Variants in MICAL2 observed in about 807,000 individuals in gnomAD.
The protein encoded by MICAL2 is microtubule associated monooxygenase, calponin and LIM domain containing 2.
A neutral mutation model predicts 127.3 loss-of-function variants in MICAL2; 77 were observed. That is an observed-to-expected ratio of 0.60 (90% confidence interval 0.50 to 0.73). The LOEUF is 0.73. Among genes scored for constraint, MICAL2 ranks in the 30% least tolerant of loss-of-function variants. MICAL2 has a pLI of 0.00. For missense variants in MICAL2, 1,351 were observed against 1,434.4 expected, an observed-to-expected ratio of 0.94 and a Z score of 0.94; for synonymous variants, 570 against 551.1, an observed-to-expected ratio of 1.03 and a Z score of -0.48.
In MICAL2 at chr11:12,138,370, T is replaced by C. The variant is rs1852021159; in HGVS notation, c.-148-20T>C. 1 of 152,208 alleles carries C rather than the reference T, an allele frequency of 6.6e-6. No individual in the cohort carries two copies. Among genetic ancestry groups the C allele is most frequent in the African/African-American group, 2.4e-5 (1 of 41,434 alleles). The allele number at this position is 152,208 out of a possible 1,614,324, so 9.4% of individuals were successfully genotyped here. On this transcript the variant is annotated intron_variant, in intron 1 of 27. Transcript: ENST00000683283. ...ACGATGATGTCACTGACATTAATTGTTGGGCTCTTGTTTTTAAAGGAACAT... is the reference window on the plus strand; with the variant it reads ...ACGATGATGTCACTGACATTAATTGCTGGGCTCTTGTTTTTAAAGGAACAT...
intron 29 of MICAL2, among the ~76,000 whole-genome samples, chr11:12,304,903 T>C (rs527432558): frequency 1.3e-5 from 2 of 152,326 alleles, no homozygotes; most frequent in South Asian, 4.1e-4. Context: ...CTTAGTATTC[T>C]TGGCCTTTGC....
chr11:12,294,797 G>GCTCCTCCTCCGC (rs1555018667), downstream of MICAL2: 7 of 1,500,302 alleles, frequency 4.7e-6, no homozygotes, highest in East Asian at 1.4e-4. Context: ...GCGCCAGGCA[G>GCTCCTCCTCCGC]CTCCTCCTCC....
chr11:12,303,144 A>G (rs1590729613), intron 29 of MICAL2, among the ~76,000 whole-genome samples: 1 of 152,186 alleles, frequency 6.6e-6, no homozygotes. Flanking sequence ...TACCTCCACC[A>G]GGTCCCACCC....
intron 29 of MICAL2, among the ~76,000 whole-genome samples, chr11:12,313,968 T>TTTTTTTTTC (rs1864203244): frequency 6.9e-6 from 1 of 144,160 alleles, no homozygotes; most frequent in Non-Finnish European, 1.5e-5. Context: ...CTGATTTTTT[T>TTTTTTTTTC]TTTTTTTTTT....
chr11:12,186,240 A>G (rs1858247702), intron 3 of MICAL2, among the ~76,000 whole-genome samples: 1 of 152,244 alleles, frequency 6.6e-6, no homozygotes, highest in Admixed American at 6.5e-5. Flanking sequence ...AAGGTTAGAC[A>G]TGGCTTGGGG....
At chr11:12,136,973 T>C (rs934937245) in intron 1 of MICAL2, among the ~76,000 whole-genome samples, 1 of 152,198 alleles carries the variant, frequency 6.6e-6, no homozygotes, top group Non-Finnish European at 1.5e-5. Context: ...GAAACTCTGG[T>C]TGGACCAATG....
chr11:12,306,207 A>G (rs1317274381), intron 29 of MICAL2, among the ~76,000 whole-genome samples: 2 of 152,198 alleles, frequency 1.3e-5, no homozygotes, highest in Non-Finnish European at 1.5e-5. Context: ...CTAATCCCAC[A>G]TGGCTACCAT....
Position 12,224,734 on chromosome 11 carries a change from G to A in MICAL2, c.1602G>A (p.Gln534=). The A allele has an allele frequency of 6.2e-7, 1 of 1,614,226 alleles. No homozygotes were observed. The highest frequency in any genetic ancestry group is 8.5e-7 in the Non-Finnish European group (1 of 1,180,042). The change falls in exon 13 of 28, where the codon CAG becomes CAA. Residue 534 remains glutamine, a synonymous_variant. Coordinates refer to ENST00000683283, the MANE Select transcript of MICAL2 (RefSeq NM_001282663.2). ...TWCQQQTEGY[Q]HVNVTDLTTS... ...GCCAGCAGCAGACAGAGGGCTACCA[G>A]CATGTCAACGTCACCGACCTGACCA...
chr11:12,353,142 G>T (rs185805294), intron 33 of MICAL2, among the ~76,000 whole-genome samples: 2 of 152,242 alleles, frequency 1.3e-5, no homozygotes, highest in East Asian at 3.9e-4. Flanking sequence ...TAAAAATAAC[G>T]CCAGTAACCG....
At chr11:12,203,247 A>G (rs1363977912) in intron 3 of MICAL2, among the ~76,000 whole-genome samples, 1 of 152,128 alleles carries the variant, frequency 6.6e-6, no homozygotes, top group East Asian at 1.9e-4. Flanking sequence ...TTGTGTGAAC[A>G]TGTTTTCATT....
intron 12 of MICAL2, 141 bp downstream of exon 12, chr11:12,223,642 G>C: frequency 4.5e-6 from 3 of 667,760 alleles, no homozygotes; most frequent in Admixed American, 2.6e-5. Flanking sequence ...GCAGGCACCT[G>C]TCCTCTTTGT....
In MICAL2 at chr11:12,256,927, C is replaced by G; in HGVS notation, c.3098C>G (p.Ala1033Gly). Residue 1033 changes from alanine to glycine, a missense_variant, in exon 24 of 28, where the codon GCC (alanine) becomes GGC (glycine). Physicochemically the swap from Ala to Gly is moderately conservative, Grantham distance 60. Transcript: ENST00000683283. ...HRECFRCSICATTLRLAAYTF... is the reference protein window; with the variant it reads ...HRECFRCSICGTTLRLAAYTF... ...GAGTGTTTCCGCTGCAGCATCTGTG[C>G]CACCACCTTGCGCCTGGCCGCCTAC... 1.2e-6 allele frequency: 2 copies of G among 1,614,090 alleles called. No homozygotes were observed.
At chr11:12,201,017 C>T (rs1195371831) in intron 3 of MICAL2, among the ~76,000 whole-genome samples, 1 of 152,204 alleles carries the variant, frequency 6.6e-6, no homozygotes, top group African/African-American at 2.4e-5. Context: ...CAAACCTCAC[C>T]AGTGTCGGGG....
chr11:12,199,034 A>T (rs1303336053), intron 3 of MICAL2, among the ~76,000 whole-genome samples: 1 of 152,298 alleles, frequency 6.6e-6, no homozygotes, highest in East Asian at 1.9e-4. Context: ...CTTCACTGTC[A>T]GTCAAGCCGG....
chr11:12,339,150 A>G lies in MICAL2; in HGVS notation c.5516-10688A>G, dbSNP rs554037595. On this transcript the variant is annotated intron_variant, in intron 32 of 34. Coordinates refer to the MICAL2 transcript ENST00000646065. ...CCCATATTTCTTGGAGGCTTTGTTC[A>G]TTTCTTTTTACTCTTTTTTCTCTAA... Among the ~76,000 whole-genome samples, 486 of 152,078 alleles carry G rather than the reference A, an allele frequency of 3.2e-3. 2 individuals carry two copies. Among genetic ancestry groups the G allele is most frequent in the Middle Eastern group, 0.027 (8 of 294 alleles).
At chr11:12,183,692 A>G (rs1040467955) in intron 3 of MICAL2, among the ~76,000 whole-genome samples, 1 of 152,240 alleles carries the variant, frequency 6.6e-6, no homozygotes, top group Non-Finnish European at 1.5e-5. Flanking sequence ...TTCAAGCCAC[A>G]GAGTGAGACG....
intron 1 of MICAL2, among the ~76,000 whole-genome samples, chr11:12,115,978 CTTTTTTTT>C (rs1201204008): frequency 3.0e-5 from 4 of 134,672 alleles, no homozygotes; most frequent in Non-Finnish European, 6.5e-5. Context: ...CTTTCCCTTT[CTTTTTTTT>C]TTTTTTTTTT....
chr11:12,291,179 G>T (rs1328122306), downstream of MICAL2, among the ~76,000 whole-genome samples: 6 of 152,080 alleles, frequency 3.9e-5, no homozygotes, highest in African/African-American at 1.4e-4. Context: ...TTGGGCTGGG[G>T]GTAGGTACTG....
intron 32 of MICAL2, chr11:12,327,288 G>T: frequency 6.5e-7 from 1 of 1,540,084 alleles, no homozygotes. Flanking sequence ...CAGCAGATCC[G>T]GAGCAGTGGG....
Sources: gnomAD v4.1 joint callset for allele counts (sites outside exome capture counted in the v4.1 genomes callset) on GRCh38, gnomAD v4.1.1 for gene constraint, MANE v1.5 for transcripts, NCBI Gene and HGNC (gene_info 2026-07-23, HGNC 2026-07-21) for gene names.